Variants in SMC6 observed in about 807,000 individuals in gnomAD.
The protein encoded by SMC6 is structural maintenance of chromosomes 6.
In SMC6, 79 loss-of-function variants were observed where a neutral mutation model predicts 142.2. That is an observed-to-expected ratio of 0.56 (90% CI 0.46 to 0.67). SMC6 has a LOEUF of 0.67. Ranked by LOEUF, SMC6 falls within the 30% of genes least tolerant of loss-of-function variation. The probability of loss-of-function intolerance (pLI) is 0.00; values close to 1 mark genes in which losing one functional copy is unlikely to be tolerated. For missense variants in SMC6, 1,072 were observed against 1,284.0 expected (o/e 0.83, Z 2.52); for synonymous variants, 411 against 412.4 (o/e 1.00, Z 0.04).
intron 23 of SMC6, among the ~76,000 whole-genome samples, chr2:17,687,421 A>C (rs541233667): frequency 4.9e-4 from 75 of 152,304 alleles, no homozygotes; most frequent in Non-Finnish European, 9.3e-4. Context: ...GAGTACAATG[A>C]AGCTGTAAAA....
intron 26 of SMC6, among the ~76,000 whole-genome samples, chr2:17,668,169 T>C (rs1666590221): frequency 6.6e-6 from 1 of 152,214 alleles, no homozygotes; most frequent in Non-Finnish European, 1.5e-5. Context: ...AAGGAGCTGC[T>C]TAGAATTAAA....
In SMC6 at chr2:17,717,169, T is replaced by C. The variant is rs371997081; in HGVS notation, c.1100A>G (p.Tyr367Cys). The change falls in exon 13 of 28, where the codon TAT becomes TGT. Residue 367 changes from tyrosine to cysteine, a missense_variant. Physicochemically the swap from Tyr to Cys is radical, Grantham distance 194 (BLOSUM62 -2). Transcript: ENST00000448223. ...TTTATATTCGTTTAAGGATCGGTTA[T>C]ATAAAACCTAACCAAAAAAATTAGA... ...KRAYNEAEVLYNRSLNEYKAL... is the reference protein window; with the variant it reads ...KRAYNEAEVLCNRSLNEYKAL... 5 of 1,602,422 alleles carry C rather than the reference T, an allele frequency of 3.1e-6. No homozygotes were observed. The highest frequency in any genetic ancestry group is 3.4e-6 in the Non-Finnish European group (4 of 1,176,946).
intron 26 of SMC6, among the ~76,000 whole-genome samples, 161 bp from the exon 27 acceptor site, chr2:17,666,678 C>T (rs1363821265): frequency 6.6e-6 from 1 of 152,100 alleles, no homozygotes; most frequent in Non-Finnish European, 1.5e-5. Context: ...AAAAGAAATA[C>T]CAGAAACTAT....
chr2:17,670,359 C>T (rs1666697517), intron 26 of SMC6, 64 bp downstream of exon 26: 1 of 1,514,112 alleles, frequency 6.6e-7, no homozygotes, highest in Non-Finnish European at 9.0e-7. Context: ...GATTTCCTTC[C>T]TTTAGAAATA....
intron 4 of SMC6, 141 bp from the exon 5 acceptor site, chr2:17,738,467 G>A (rs776113499): frequency 1.7e-5 from 9 of 521,930 alleles, no homozygotes; most frequent in Non-Finnish European, 2.5e-5. Context: ...TTTTCTTCCC[G>A]TGCAAAGCAA....
chr2:17,749,448 G>A (rs1670911357), intron 2 of SMC6, among the ~76,000 whole-genome samples: 5 of 152,188 alleles, frequency 3.3e-5, no homozygotes, highest in Admixed American at 3.3e-4. Flanking sequence ...CCAGCACTTT[G>A]GGAGGCCAAG....
At position 17,708,203 on chromosome 2, in the gene SMC6, C is replaced by A. The variant is rs1332681939; in HGVS notation, c.1845+436G>T. Among the ~76,000 whole-genome samples, 5 of 151,826 alleles carry A rather than the reference C, an allele frequency of 3.3e-5. No individual in the cohort carries two copies. In the South Asian group the frequency reaches 8.3e-4, roughly 25 times the overall value. On this transcript the variant is annotated intron_variant, in intron 17 of 27. Transcript: ENST00000448223. The stretch of plus-strand genomic sequence containing the variant: ...TAATCTAACAAGCACATAAAAACAC[C>A]TACACAGATAAATAGTAAATATTGA...
chr2:17,672,074 T>C (rs561638118), intron 25 of SMC6, among the ~76,000 whole-genome samples: 2 of 152,262 alleles, frequency 1.3e-5, no homozygotes, highest in Admixed American at 1.3e-4. Flanking sequence ...ACACCTATCA[T>C]AAGTCTAAAC....
At position 17,708,681 on chromosome 2, in the gene SMC6, G is replaced by A; in HGVS notation, c.1803C>T (p.Ser601=). 6.5e-7 allele frequency: 1 copy of A among 1,543,934 alleles called. No individual in the cohort carries two copies. Among genetic ancestry groups the A allele is most frequent in the Non-Finnish European group, 8.8e-7 (1 of 1,142,568 alleles). ...LEIDNAVVAN[S]LIDMRGIETV... ...TCTCTATGCCTCTCATGTCAATTAG[G>A]CTATTTGCCACAACCGCATTATCTA... Residue 601 remains serine (S), a synonymous_variant, in exon 17 of 28, where the codon AGC becomes AGT. Coordinates refer to ENST00000448223, the MANE Select transcript of SMC6 (RefSeq NM_001142286.2).
chr2:17,679,005 G>C (rs1411504987), intron 24 of SMC6, 41 bp from the exon 25 acceptor site: 1 of 1,417,016 alleles, frequency 7.1e-7, no homozygotes, highest in South Asian at 1.2e-5. Flanking sequence ...AGAGGGCAAA[G>C]GTTTTTTAAA....
intron 19 of SMC6, 106 bp downstream of exon 19, chr2:17,703,051 C>A: frequency 1.4e-6 from 1 of 692,366 alleles, no homozygotes; most frequent in Non-Finnish European, 2.3e-6. Flanking sequence ...GGCTTGAGGC[C>A]AAAAGGTTTG....
chr2:17,733,347 G>C (rs1669998991), intron 5 of SMC6, among the ~76,000 whole-genome samples: 1 of 152,184 alleles, frequency 6.6e-6, no homozygotes, highest in Non-Finnish European at 1.5e-5. Flanking sequence ...TCTTGGGATT[G>C]AGCTAAATAT....
At chr2:17,739,580 G>A (rs1280848519) in intron 4 of SMC6, among the ~76,000 whole-genome samples, 1 of 152,036 alleles carries the variant, frequency 6.6e-6, no homozygotes, top group Non-Finnish European at 1.5e-5. Flanking sequence ...GGGAGGTAGA[G>A]GTTATAGTGA....
chr2:17,725,610 A>G (rs538483419), intron 8 of SMC6, among the ~76,000 whole-genome samples: 41 of 152,290 alleles, frequency 2.7e-4, no homozygotes, highest in African/African-American at 9.6e-4. Context: ...AAAACACTTC[A>G]GGGTGTGGTA....
chr2:17,738,438 T>A, intron 4 of SMC6, 112 bp from the exon 5 acceptor site: 1 of 622,384 alleles, frequency 1.6e-6, no homozygotes, highest in Non-Finnish European at 2.5e-6. Context: ...TAAAATAAAA[T>A]GTTAAAATTC....
intron 4 of SMC6, among the ~76,000 whole-genome samples, chr2:17,740,011 A>T (rs1453771614): frequency 2.0e-5 from 3 of 151,956 alleles, no homozygotes; most frequent in African/African-American, 4.8e-5. Flanking sequence ...AAGTAACACA[A>T]AGTAACTAAC....
At chr2:17,701,953 T>C (rs547826452) in intron 19 of SMC6, 44 bp from the exon 20 acceptor site, 1 of 1,029,560 alleles carries the variant, frequency 9.7e-7, no homozygotes, top group African/African-American at 1.6e-5. Context: ...AAAAAAAATT[T>C]AAACCGAAAA....
At chr2:17,708,618 G>A in intron 17 of SMC6, 21 bp downstream of exon 17, 1 of 1,278,676 alleles carries the variant, frequency 7.8e-7, no homozygotes, top group Non-Finnish European at 1.1e-6. Context: ...ATCAAATACA[G>A]CAAAGATCTG....
chr2:17,691,769 C>T (rs374357889), intron 23 of SMC6, among the ~76,000 whole-genome samples: 234 of 152,232 alleles, frequency 1.5e-3, no homozygotes, highest in African/African-American at 5.4e-3. Flanking sequence ...AAGAGGAAGT[C>T]AAATTGTCCG....
Sources: gnomAD v4.1 joint callset for allele counts (sites outside exome capture counted in the v4.1 genomes callset) on GRCh38, gnomAD v4.1.1 for gene constraint, MANE v1.5 for transcripts, NCBI Gene and HGNC (gene_info 2026-07-23, HGNC 2026-07-21) for gene names.